JMJD1C: variants seen among roughly 807,000 people sequenced by gnomAD.
The protein encoded by JMJD1C is jumonji domain-containing protein 1C.
A neutral mutation model predicts 245.3 loss-of-function variants in JMJD1C; 31 were observed. The ratio of observed to expected loss-of-function variants is 0.13; its 90% CI spans 0.09 to 0.17. JMJD1C has a LOEUF of 0.17. JMJD1C is among the 10% of genes least tolerant of loss of function. The probability of loss-of-function intolerance (pLI) is 1.00; values close to 1 mark genes in which losing one functional copy is unlikely to be tolerated. For synonymous variants in JMJD1C, 1,057 were observed against 1,017.4 expected (o/e 1.04, Z -0.74); for missense variants, 2,691 against 3,000.2 (o/e 0.90, Z 2.41).
At chr10:63,482,137 T>C (rs1463637595) in intron 1 of JMJD1C, among the ~76,000 whole-genome samples, 1 of 152,184 alleles carries the variant, frequency 6.6e-6, no homozygotes, top group African/African-American at 2.4e-5. Context: ...TCAATCAACC[T>C]CATTTCCTTA....
chr10:63,204,870 G>A, intron 10 of JMJD1C: 2 of 985,340 alleles, frequency 2.0e-6, no homozygotes, highest in Non-Finnish European at 2.4e-6. Flanking sequence ...AGGCATGTGG[G>A]AAAACCTCAT....
chr10:63,439,134 A>G (rs1951219069), intron 1 of JMJD1C, among the ~76,000 whole-genome samples: 1 of 152,294 alleles, frequency 6.6e-6, no homozygotes, highest in African/African-American at 2.4e-5. Flanking sequence ...AATAACACTG[A>G]TATTTGAAGA....
At chr10:63,391,872 T>A (rs1463918654) in intron 1 of JMJD1C, among the ~76,000 whole-genome samples, 1 of 152,068 alleles carries the variant, frequency 6.6e-6, no homozygotes, top group African/African-American at 2.4e-5. Context: ...ACTGAAGGAA[T>A]CACACTACAC....
chr10:63,341,245 T>C (rs1399291531), intron 2 of JMJD1C, among the ~76,000 whole-genome samples: 2 of 152,240 alleles, frequency 1.3e-5, no homozygotes, highest in African/African-American at 4.8e-5. Flanking sequence ...TGATAAAGCA[T>C]CTGCTGATCA....
At chr10:63,185,166 T>A (rs1843981172) in intron 20 of JMJD1C, among the ~76,000 whole-genome samples, 1 of 152,226 alleles carries the variant, frequency 6.6e-6, no homozygotes, top group African/African-American at 2.4e-5. Context: ...GGTCTCACTC[T>A]GTCACCCAGG....
intron 11 of JMJD1C, among the ~76,000 whole-genome samples, chr10:63,199,943 G>A (rs1235471772): frequency 6.6e-6 from 1 of 152,086 alleles, no homozygotes; most frequent in Non-Finnish European, 1.5e-5. Context: ...TCTTAGGTAG[G>A]TACTAACATT....
rs375289679 is a variant in JMJD1C, at chr10:63,237,659, T to C, written c.448-17676A>G. On this transcript the variant is annotated intron_variant, in intron 3 of 25. Transcript: ENST00000399262. Reference sequence around the variant, plus strand: ...CAAATACAGGTTGTATCCAAAATGCTTGGAGTCAGAAGTGTTTCAGATTTC... The same window carrying C: ...CAAATACAGGTTGTATCCAAAATGCCTGGAGTCAGAAGTGTTTCAGATTTC... Among the ~76,000 whole-genome samples, 32 of 152,260 alleles carry C rather than the reference T, an allele frequency of 2.1e-4. No individual in the cohort carries two copies. In the South Asian group the frequency reaches 5.6e-3, roughly 27 times the overall value.
rs1953141344 is a variant in JMJD1C, at chr10:63,465,339, G to T, written c.168+156C>A. The T allele has an allele frequency of 6.6e-6, 5 of 752,216 alleles. No individual in the cohort carries two copies. The East Asian group carries it at 8.2e-5, about 12-fold the overall frequency. 46.6% of individuals were successfully genotyped at this position (752,216 alleles called of 1,614,324 possible). A position where few individuals can be genotyped will look rare whatever the true frequency, so the allele number is the denominator to read the frequency against. ...CGCTCGGAGAGACGCAGGGACCCAG[G>T]CAAGGGATGCGGGCAAACGCGCCAA... On this transcript the variant is annotated intron_variant, in intron 1 of 25. Coordinates refer to ENST00000399262, the MANE Select transcript of JMJD1C (RefSeq NM_032776.3).
At chr10:63,232,911 T>C (rs535662680) in intron 3 of JMJD1C, among the ~76,000 whole-genome samples, 2 of 152,218 alleles carry the variant, frequency 1.3e-5, no homozygotes, top group Non-Finnish European at 2.9e-5. Flanking sequence ...GTTCATTTTC[T>C]GTTTACTTTT....
chr10:63,203,091 A>G lies in JMJD1C; in HGVS notation c.5075-2414T>C. ...TAGGCATTTAGAGCTTTTTTTCAAT[A>G]AAAGAATAAATGAGTACAAAGACAT... On this transcript the variant is annotated intron_variant, in intron 10 of 25. Coordinates refer to ENST00000399262, the MANE Select transcript of JMJD1C (RefSeq NM_032776.3). 3.0e-6 allele frequency: 3 copies of G among 985,158 alleles called. 1 individual carries two copies. In the South Asian group the frequency reaches 1.4e-4, roughly 46 times the overall value. The allele number at this position is 985,158 out of a possible 1,614,324, so 61.0% of individuals were successfully genotyped here. A position where few individuals can be genotyped will look rare whatever the true frequency, so the allele number is the denominator to read the frequency against.
At chr10:63,204,371 A>G in intron 10 of JMJD1C, 1 of 985,080 alleles carries the variant, frequency 1.0e-6, no homozygotes, top group African/African-American at 1.7e-5. Flanking sequence ...GAACTCTTAC[A>G]TGTGAATATG....
At chr10:63,462,785 T>C (rs753321946) in intron 1 of JMJD1C, among the ~76,000 whole-genome samples, 35 of 152,210 alleles carry the variant, frequency 2.3e-4, no homozygotes, top group Admixed American at 4.6e-4. Flanking sequence ...TGCCACACTT[T>C]GATTTTAGCC....
chr10:63,397,204 T>A (rs1270333563), intron 1 of JMJD1C, among the ~76,000 whole-genome samples: 1 of 152,200 alleles, frequency 6.6e-6, no homozygotes, highest in Non-Finnish European at 1.5e-5. Flanking sequence ...TTTATTGAAC[T>A]GATCTTTATT....
chr10:63,306,376 C>T (rs751757458), intron 2 of JMJD1C, among the ~76,000 whole-genome samples: 19 of 152,180 alleles, frequency 1.2e-4, no homozygotes, highest in Non-Finnish European at 2.2e-4. Context: ...AGGCGTGAGC[C>T]ACCGTGCCCA....
chr10:63,424,244 T>C (rs1003769243), intron 1 of JMJD1C, among the ~76,000 whole-genome samples: 18 of 151,358 alleles, frequency 1.2e-4, no homozygotes, highest in Admixed American at 2.6e-4. Context: ...TTTTTTTTTT[T>C]TAAGTAGAGA....
intron 2 of JMJD1C, chr10:63,373,018 G>T: frequency 4.1e-6 from 1 of 244,198 alleles, no homozygotes; most frequent in East Asian, 1.5e-4. Flanking sequence ...TAAAGGAGAT[G>T]GAGCCAGGGC....
At chr10:63,480,620 A>G (rs1015651314) in intron 1 of JMJD1C, among the ~76,000 whole-genome samples, 6 of 108,954 alleles carry the variant, frequency 5.5e-5, no homozygotes, top group Non-Finnish European at 1.1e-4. Flanking sequence ...ACAATTTAAA[A>G]GTACTATTGT....
At chr10:63,243,898 G>A (rs146423437) in intron 3 of JMJD1C, among the ~76,000 whole-genome samples, 95 of 152,262 alleles carry the variant, frequency 6.2e-4, no homozygotes, top group African/African-American at 2.1e-3. Flanking sequence ...TCTATCTGCA[G>A]TGCCCCTCCC....
chr10:63,317,717 A>G (rs1940270930), intron 2 of JMJD1C, among the ~76,000 whole-genome samples: 1 of 152,208 alleles, frequency 6.6e-6, no homozygotes, highest in South Asian at 2.1e-4. Flanking sequence ...TGGTGCATAC[A>G]TAAATATTTG....
Sources: allele counts gnomAD v4.1 joint callset (sites outside exome capture counted in the v4.1 genomes callset), GRCh38; gene constraint gnomAD v4.1.1; transcripts MANE v1.5; gene names NCBI Gene and HGNC (gene_info 2026-07-23, HGNC 2026-07-21).